The following NPAS3 variants were observed in gnomAD, a reference collection of about 807,000 sequenced individuals.
The protein encoded by NPAS3 is neuronal PAS domain-containing protein 3.
NPAS3 carries 14 observed loss-of-function variants against 73.1 expected under a neutral mutation model. The ratio of observed to expected loss-of-function variants is 0.19; its 90% CI spans 0.13 to 0.30. The LOEUF is 0.30. Among genes scored for constraint, NPAS3 ranks in the 10% least tolerant of loss-of-function variants. NPAS3 has a pLI of 1.00. For synonymous variants in NPAS3, 620 were observed against 541.5 expected (o/e 1.14, Z -2.01); for missense variants, 1,096 against 1,250.0 (o/e 0.88, Z 1.86).
At chr14:33,280,826 C>T (rs2041571245) in intron 3 of NPAS3, among the ~76,000 whole-genome samples, 1 of 152,144 alleles carries the variant, frequency 6.6e-6, no homozygotes, top group Admixed American at 6.5e-5. Context: ...GGTGAGTCAC[C>T]ACTCAAGTTC....
intron 6 of NPAS3, among the ~76,000 whole-genome samples, chr14:33,688,376 T>C (rs2060146049): frequency 6.6e-6 from 1 of 152,188 alleles, no homozygotes; most frequent in Non-Finnish European, 1.5e-5. Context: ...CCCAATGTGT[T>C]TGACTGTGGG....
intron 9 of NPAS3, among the ~76,000 whole-genome samples, chr14:33,785,925 C>T (rs992458024): frequency 3.3e-5 from 5 of 152,160 alleles, no homozygotes; most frequent in African/African-American, 7.2e-5. Context: ...GTCCAAAGTG[C>T]GGAAGGGGTC....
intron 2 of NPAS3, among the ~76,000 whole-genome samples, chr14:33,123,845 TTTTCTTTC>T (rs201636921): frequency 2.1e-5 from 3 of 140,922 alleles, no homozygotes; most frequent in Non-Finnish European, 4.5e-5. Context: ...CTGTGAAGTT[TTTTCTTTC>T]TTTCTTTCTT....
intron 2 of NPAS3, among the ~76,000 whole-genome samples, chr14:33,090,074 G>C (rs529191083): frequency 6.6e-6 from 1 of 152,318 alleles, no homozygotes; most frequent in East Asian, 1.9e-4. Context: ...TCGATGCTAG[G>C]AAGAAACTGC....
At chr14:33,694,333 G>A (rs1195080167) in intron 6 of NPAS3, among the ~76,000 whole-genome samples, 3 of 152,152 alleles carry the variant, frequency 2.0e-5, no homozygotes, top group Non-Finnish European at 1.5e-5. Flanking sequence ...CTGATCTAAG[G>A]AGAGCTGTGC....
intron 4 of NPAS3, among the ~76,000 whole-genome samples, chr14:33,406,060 G>A (rs1216006121): frequency 6.6e-6 from 1 of 151,868 alleles, no homozygotes; most frequent in Non-Finnish European, 1.5e-5. Context: ...CAATGAAGAA[G>A]AAAAACATTT....
intron 2 of NPAS3, among the ~76,000 whole-genome samples, chr14:33,190,764 C>T (rs1262776740): frequency 1.3e-5 from 2 of 152,152 alleles, no homozygotes; most frequent in Admixed American, 1.3e-4. Context: ...TGGCGCTCCC[C>T]CTACTCACTG....
At chr14:33,558,045 G>T (rs1356889171) in intron 4 of NPAS3, among the ~76,000 whole-genome samples, 1 of 152,184 alleles carries the variant, frequency 6.6e-6, no homozygotes, top group Non-Finnish European at 1.5e-5. Context: ...GACAATATGT[G>T]CAAACTGCTT....
At chr14:33,468,759 C>T (rs1323956605) in intron 4 of NPAS3, among the ~76,000 whole-genome samples, 2 of 152,286 alleles carry the variant, frequency 1.3e-5, no homozygotes, top group African/African-American at 4.8e-5. Flanking sequence ...TCTGTATCAA[C>T]ATTATCAGCC....
chr14:33,271,448 T>TC (rs201218033), intron 3 of NPAS3, among the ~76,000 whole-genome samples: 1 of 151,786 alleles, frequency 6.6e-6, no homozygotes, highest in South Asian at 2.1e-4. Flanking sequence ...TGGCTAGCTG[T>TC]TGGGGAGAAG....
chr14:33,214,906 A>G (rs1046971014), intron 2 of NPAS3: 3 of 429,886 alleles, frequency 7.0e-6, no homozygotes, highest in Admixed American at 4.1e-5. Context: ...GAAACAATAA[A>G]TACACCTCAA....
At chr14:32,968,474 T>C (rs896785286) in intron 1 of NPAS3, among the ~76,000 whole-genome samples, 9 of 152,346 alleles carry the variant, frequency 5.9e-5, no homozygotes, top group Admixed American at 3.9e-4. Context: ...GAAGGTGATA[T>C]AGGTTGGTGT....
intron 2 of NPAS3, among the ~76,000 whole-genome samples, chr14:33,207,232 A>ATT (rs2046854392): frequency 2.1e-5 from 3 of 141,650 alleles, no homozygotes; most frequent in African/African-American, 5.2e-5. Context: ...CTCAAAGAAC[A>ATT]TTACACACAC....
At chr14:33,374,704 CG>C (rs34252696) in intron 4 of NPAS3, among the ~76,000 whole-genome samples, 63 of 49,440 alleles carry the variant, frequency 1.3e-3, no homozygotes, top group Admixed American at 2.2e-3. Flanking sequence ...TGTGTCGGGG[CG>C]GGGGGGGGAG....
intron 3 of NPAS3, among the ~76,000 whole-genome samples, chr14:33,317,633 C>T (rs1566790466): frequency 6.6e-6 from 1 of 151,982 alleles, no homozygotes; most frequent in East Asian, 1.9e-4. Flanking sequence ...AGGGGCTTTT[C>T]CCCTTTTGCT....
chr14:33,111,439 A>G (rs193137909), intron 2 of NPAS3, among the ~76,000 whole-genome samples: 33 of 152,296 alleles, frequency 2.2e-4, no homozygotes, highest in Admixed American at 1.8e-3. Context: ...AAATAGCCCT[A>G]TTATCATATT....
At chr14:33,774,996 A>G (rs547561879) in intron 8 of NPAS3, among the ~76,000 whole-genome samples, 21 of 152,326 alleles carry the variant, frequency 1.4e-4, no homozygotes, top group Non-Finnish European at 4.4e-5. Context: ...GAAATTTACA[A>G]AGCTATTAAA....
At chr14:33,556,499 G>A (rs1283617888) in intron 4 of NPAS3, among the ~76,000 whole-genome samples, 1 of 152,188 alleles carries the variant, frequency 6.6e-6, no homozygotes, top group Admixed American at 6.5e-5. Context: ...GAGCATGGAG[G>A]TAGAACTGGA....
rs2051101109 is a variant in NPAS3, at chr14:33,477,570, A to C, written c.469-82551A>C. On this transcript the variant is annotated intron_variant, in intron 4 of 11. Coordinates refer to ENST00000356141, the Ensembl canonical transcript of NPAS3. ...CACAGCACACACACACAGCCATATA[A>C]GTAGCCTATGGAATATTTTGGGACC... 1.3e-5 allele frequency among the ~76,000 whole-genome samples: 2 copies of C among 152,078 alleles called. 1 individual carries two copies. Among genetic ancestry groups the C allele is most frequent in the South Asian group, 4.1e-4 (2 of 4,830 alleles).
Sources: gnomAD v4.1 joint callset for allele counts (sites outside exome capture counted in the v4.1 genomes callset) on GRCh38, gnomAD v4.1.1 for gene constraint, MANE v1.5 for transcripts, NCBI Gene and HGNC (gene_info 2026-07-23, HGNC 2026-07-21) for gene names.